Variants in RXFP2 observed in about 807,000 individuals in gnomAD.
The protein encoded by RXFP2 is relaxin receptor 2.
A neutral mutation model predicts 88.6 loss-of-function variants in RXFP2; 68 were observed. The ratio of observed to expected loss-of-function variants is 0.77; its 90% confidence interval spans 0.63 to 0.94. The LOEUF (loss-of-function observed/expected upper bound fraction) is 0.94. Among genes scored for constraint, RXFP2 ranks in the 40% least tolerant of loss-of-function variants. The pLI is 0.00. For synonymous variants in RXFP2, 329 were observed against 306.8 expected (o/e 1.07, Z -0.76); for missense variants, 791 against 893.9 (o/e 0.88, Z 1.47).
chr13:31,771,487 C>G (rs1308751520), intron 5 of RXFP2, among the ~76,000 whole-genome samples: 1 of 152,110 alleles, frequency 6.6e-6, no homozygotes, highest in Non-Finnish European at 1.5e-5. Context: ...AACCATCCCC[C>G]CTCTCCATCC....
chr13:31,758,117 A>G, intron 1 of RXFP2, 141 bp from the exon 2 acceptor site: 1 of 858,570 alleles, frequency 1.2e-6, no homozygotes, highest in Non-Finnish European at 1.9e-6. Flanking sequence ...GTTGTCATTG[A>G]GAATATTATT....
intron 1 of RXFP2, among the ~76,000 whole-genome samples, chr13:31,744,999 T>C (rs1871352829): frequency 6.6e-6 from 1 of 152,054 alleles, no homozygotes; most frequent in Non-Finnish European, 1.5e-5. Flanking sequence ...TGAAACCCTG[T>C]CTCTACTAAA....
chr13:31,781,748 T>C lies in RXFP2; in HGVS notation c.857+6T>C. On this transcript the variant is annotated splice_donor_region_variant and intron_variant, in intron 10 of 17. Coordinates refer to ENST00000298386, the MANE Select transcript of RXFP2 (RefSeq NM_130806.5). ...TGCGATTCGCTCACAGTGCTGTAAG[T>C]ATACAATGGACTTCACTAAATGAGG... is the stretch of plus-strand genomic sequence containing the variant. 1 of 1,601,518 alleles carries C rather than the reference T, an allele frequency of 6.2e-7. No individual in the cohort carries two copies. The highest frequency in any genetic ancestry group is 8.6e-7 in the Non-Finnish European group (1 of 1,168,850).
At chr13:31,770,377 T>A (rs1417709454) in intron 5 of RXFP2, among the ~76,000 whole-genome samples, 4 of 152,228 alleles carry the variant, frequency 2.6e-5, no homozygotes, top group Non-Finnish European at 5.9e-5. Context: ...CATAATTTGA[T>A]GTTCTCATTT....
intron 5 of RXFP2, among the ~76,000 whole-genome samples, chr13:31,766,381 A>AAGAACAATC (rs1190821307): frequency 2.6e-5 from 4 of 152,218 alleles, no homozygotes; most frequent in African/African-American, 2.4e-5. Flanking sequence ...CAGCATAAAC[A>AAGAACAATC]AGAACAATCA....
At chr13:31,784,556 T>A (rs764023056) in intron 11 of RXFP2, among the ~76,000 whole-genome samples, 1 of 152,182 alleles carries the variant, frequency 6.6e-6, no homozygotes, top group Non-Finnish European at 1.5e-5. Flanking sequence ...TGCTTTATTG[T>A]CAGGCTCTCT....
At chr13:31,791,533 A>T (rs563246527) in intron 14 of RXFP2, among the ~76,000 whole-genome samples, 4 of 152,310 alleles carry the variant, frequency 2.6e-5, no homozygotes, top group Non-Finnish European at 4.4e-5. Context: ...TGACCAGGGA[A>T]CATACAGCCC....
At chr13:31,755,720 C>T (rs926015351) in intron 1 of RXFP2, among the ~76,000 whole-genome samples, 2 of 152,116 alleles carry the variant, frequency 1.3e-5, no homozygotes, top group African/African-American at 2.4e-5. Context: ...GTTTAACAAG[C>T]CAACCCCAGT....
At chr13:31,795,351 C>T (rs1048735704) in intron 16 of RXFP2, among the ~76,000 whole-genome samples, 11 of 151,954 alleles carry the variant, frequency 7.2e-5, no homozygotes, top group Non-Finnish European at 1.6e-4. Flanking sequence ...GGTTTCACCA[C>T]GTTGGCCAGG....
At chr13:31,786,115 A>T (rs1032192937) in intron 11 of RXFP2, among the ~76,000 whole-genome samples, 1 of 152,208 alleles carries the variant, frequency 6.6e-6, no homozygotes, top group Non-Finnish European at 1.5e-5. Context: ...ACCAAATTAG[A>T]TATGAAAGCC....
chr13:31,759,914 A>G (rs981096600), intron 2 of RXFP2, among the ~76,000 whole-genome samples: 2 of 152,038 alleles, frequency 1.3e-5, no homozygotes, highest in African/African-American at 4.8e-5. Context: ...CTCATTCTTT[A>G]GGGCCTGGTT....
At chr13:31,741,591 T>C (rs1237884603) in intron 1 of RXFP2, among the ~76,000 whole-genome samples, 1 of 152,164 alleles carries the variant, frequency 6.6e-6, no homozygotes, top group Admixed American at 6.5e-5. Flanking sequence ...AGGCCAGATC[T>C]AAACAAAACA....
intron 2 of RXFP2, 68 bp downstream of exon 2, chr13:31,758,472 G>A: frequency 6.4e-7 from 1 of 1,564,416 alleles, no homozygotes; most frequent in Non-Finnish European, 8.8e-7. Flanking sequence ...TGGGTCGGTT[G>A]GATAATGATT....
At chr13:31,776,142 C>CTT (rs374300794) in intron 7 of RXFP2, among the ~76,000 whole-genome samples, 54 of 80,654 alleles carry the variant, frequency 6.7e-4, no homozygotes, top group Middle Eastern at 5.7e-3. Context: ...TTCTTTCTTT[C>CTT]TCTTTCTCTC....
intron 1 of RXFP2, among the ~76,000 whole-genome samples, chr13:31,757,946 G>A (rs1374190390): frequency 6.6e-6 from 1 of 152,066 alleles, no homozygotes; most frequent in African/African-American, 2.4e-5. Flanking sequence ...ACAAAAATTA[G>A]CCGGGTGTGG....
intron 17 of RXFP2, among the ~76,000 whole-genome samples, chr13:31,801,083 GA>G (rs1022114877): frequency 3.3e-5 from 5 of 152,104 alleles, no homozygotes; most frequent in African/African-American, 1.2e-4. Flanking sequence ...AGAACAGAAA[GA>G]TACAAGAAAT....
At position 31,761,798 on chromosome 13, in the gene RXFP2, T is replaced by C. The variant is rs748505158; in HGVS notation, c.316T>C (p.Cys106Arg). Reference protein sequence around the residue: ...NANSVALTQECFLKQYPQCCD... With the variant: ...NANSVALTQERFLKQYPQCCD... ...TAACAGCGTGGCCTTAACACAGGAGTGCTGTAAGTGGTTTTGATTCAAAGA... is the reference window on the plus strand; with the variant it reads ...TAACAGCGTGGCCTTAACACAGGAGCGCTGTAAGTGGTTTTGATTCAAAGA... The change falls in exon 3 of 18, where the codon TGC (cysteine) becomes CGC (arginine). Residue 106 changes from cysteine to arginine, a missense_variant. Physicochemically the swap from Cys to Arg is radical, Grantham distance 180. Coordinates refer to ENST00000298386, the MANE Select transcript of RXFP2 (RefSeq NM_130806.5). 6.2e-7 allele frequency: 1 copy of C among 1,605,892 alleles called. No homozygotes were observed. The highest frequency in any genetic ancestry group is 1.1e-5 in the South Asian group (1 of 90,926).
At chr13:31,773,541 AT>A (rs1295232647) in intron 5 of RXFP2, among the ~76,000 whole-genome samples, 1 of 151,902 alleles carries the variant, frequency 6.6e-6, no homozygotes, top group East Asian at 1.9e-4. Context: ...GTGGTAGTAA[AT>A]ATTCATTTGT....
Position 31,763,081 on chromosome 13 carries a change from CTTTTT to C in RXFP2, c.319+1296_319+1300del, listed in dbSNP as rs71099991. Reference sequence around the variant, plus strand: ...AAGAACGTTTGACAGTGTCTGGAGACTTTTTTTTTTTTTTTTTTTTGAGACAGCAT... The same window carrying C: ...AAGAACGTTTGACAGTGTCTGGAGACTTTTTTTTTTTTTTTGAGACAGCAT... On this transcript the variant is annotated intron_variant, in intron 3 of 17. Coordinates refer to ENST00000298386, the MANE Select transcript of RXFP2 (RefSeq NM_130806.5). 4.3e-3 allele frequency among the ~76,000 whole-genome samples: 489 copies of C among 112,842 alleles called. 2 individuals are homozygous for C. The highest frequency in any genetic ancestry group is 5.4e-3 in the Non-Finnish European group (288 of 53,134). The allele number at this position is 112,842 out of a possible 152,430, so 74.0% of individuals were successfully genotyped here. A position where few individuals can be genotyped will look rare whatever the true frequency, so the allele number is the denominator to read the frequency against.
Sources: gnomAD v4.1 joint callset for allele counts (sites outside exome capture counted in the v4.1 genomes callset) on GRCh38, gnomAD v4.1.1 for gene constraint, MANE v1.5 for transcripts, NCBI Gene and HGNC (gene_info 2026-07-23, HGNC 2026-07-21) for gene names.